SYT1: variants seen among roughly 807,000 people sequenced by gnomAD.
SYT1 encodes the protein synaptotagmin-1.
SYT1 carries 8 observed loss-of-function variants against 44.8 expected under a neutral mutation model. The ratio of observed to expected loss-of-function variants is 0.18; its 90% CI spans 0.10 to 0.32. The LOEUF (loss-of-function observed/expected upper bound fraction) is 0.32, where lower values mean the gene tolerates loss of function less well. Ranked by LOEUF, SYT1 falls within the 10% of genes least tolerant of loss-of-function variation. The pLI is 1.00. For synonymous variants in SYT1, 154 were observed against 188.8 expected (o/e 0.82, Z 1.51); for missense variants, 286 against 509.3 (o/e 0.56, Z 4.22).
At chr12:79,182,453 A>T (rs1033308683) in intron 3 of SYT1, among the ~76,000 whole-genome samples, 1 of 152,068 alleles carries the variant, frequency 6.6e-6, no homozygotes, top group Admixed American at 6.6e-5. Flanking sequence ...GACCAGATGA[A>T]CAACAAGTTG....
chr12:79,428,199 A>G (rs1593059082), intron 9 of SYT1, among the ~76,000 whole-genome samples: 1 of 152,322 alleles, frequency 6.6e-6, no homozygotes, highest in East Asian at 1.9e-4. Flanking sequence ...CCTTTTAAAA[A>G]TTAGAAGAAA....
chr12:79,161,510 C>T (rs922246453), intron 3 of SYT1, among the ~76,000 whole-genome samples: 2 of 152,042 alleles, frequency 1.3e-5, no homozygotes, highest in African/African-American at 4.8e-5. Context: ...TGTATTCCAT[C>T]GTTGTTAAGT....
intron 2 of SYT1, among the ~76,000 whole-genome samples, chr12:79,010,957 C>A (rs1295784282): frequency 1.3e-5 from 2 of 152,156 alleles, no homozygotes; most frequent in Non-Finnish European, 2.9e-5. Context: ...GAAGGAAGGA[C>A]AGAGGTGTCT....
At chr12:78,931,688 T>C (rs1250959646) in intron 1 of SYT1, among the ~76,000 whole-genome samples, 2 of 152,206 alleles carry the variant, frequency 1.3e-5, no homozygotes, top group Non-Finnish European at 2.9e-5. Context: ...GGAGCTCTCC[T>C]ACCAGCTGCT....
intron 8 of SYT1, among the ~76,000 whole-genome samples, chr12:79,312,717 T>G (rs1456245325): frequency 6.6e-6 from 1 of 152,018 alleles, no homozygotes; most frequent in Non-Finnish European, 1.5e-5. Context: ...CAGAGCTGCT[T>G]CTTATTTTGG....
intron 9 of SYT1, among the ~76,000 whole-genome samples, chr12:79,437,005 C>T (rs1275182059): frequency 6.6e-6 from 1 of 152,074 alleles, no homozygotes; most frequent in African/African-American, 2.4e-5. Flanking sequence ...GAAGTGGTGA[C>T]TTTTAAACTA....
chr12:79,106,429 G>T (rs1413847816), intron 3 of SYT1, among the ~76,000 whole-genome samples: 1 of 150,820 alleles, frequency 6.6e-6, no homozygotes, highest in African/African-American at 2.4e-5. Flanking sequence ...CCTAAATAAT[G>T]AATTTAAACA....
chr12:79,381,588 G>A (rs1204345173), intron 9 of SYT1, among the ~76,000 whole-genome samples: 1 of 152,190 alleles, frequency 6.6e-6, no homozygotes, highest in African/African-American at 2.4e-5. Flanking sequence ...TACCTGTAGA[G>A]AAAAATGAGC....
intron 9 of SYT1, among the ~76,000 whole-genome samples, chr12:79,426,624 G>C (rs542571846): frequency 4.6e-5 from 7 of 152,128 alleles, no homozygotes; most frequent in African/African-American, 7.2e-5. Flanking sequence ...ATCTAATATT[G>C]ATAACCTGCA....
chr12:79,257,562 A>G (rs1463387199), intron 4 of SYT1, among the ~76,000 whole-genome samples: 1 of 152,078 alleles, frequency 6.6e-6, no homozygotes, highest in Non-Finnish European at 1.5e-5. Context: ...ATCTCTGCTC[A>G]CTGCAAGCTC....
chr12:78,936,115 C>G (rs746242026), intron 1 of SYT1, among the ~76,000 whole-genome samples: 5 of 151,982 alleles, frequency 3.3e-5, no homozygotes, highest in Non-Finnish European at 7.4e-5. Context: ...GTATTTATGT[C>G]ACTTCTTTTA....
At chr12:79,334,587 A>C (rs1882003075) in intron 8 of SYT1, among the ~76,000 whole-genome samples, 2 of 152,184 alleles carry the variant, frequency 1.3e-5, no homozygotes, top group Non-Finnish European at 2.9e-5. Flanking sequence ...AGGCACAAGA[A>C]CATGGTGCAA....
intron 1 of SYT1, among the ~76,000 whole-genome samples, chr12:78,942,544 C>T (rs1012208060): frequency 6.6e-6 from 1 of 152,152 alleles, no homozygotes; most frequent in African/African-American, 2.4e-5. Context: ...CGTCCATGTC[C>T]TTCTCTGAAC....
rs112560497 is a variant in SYT1, at chr12:79,098,607, A to G, written c.-18+51245A>G. ...GTTATTTTACAGTGTCCAGTTATTC[A>G]CTAAGAAAAAAACATTTAATGTTCT... On this transcript the variant is annotated intron_variant, in intron 3 of 10. Transcript: ENST00000261205. Among the ~76,000 whole-genome samples the G allele has an allele frequency of 8.1e-3, 1,231 of 152,244 alleles. 18 individuals are homozygous for G. Among genetic ancestry groups the G allele is most frequent in the African/African-American group, 0.028 (1,176 of 41,564 alleles).
At chr12:79,160,604 T>G (rs1404468055) in intron 3 of SYT1, among the ~76,000 whole-genome samples, 1 of 152,100 alleles carries the variant, frequency 6.6e-6, no homozygotes, top group East Asian at 1.9e-4. Flanking sequence ...TTAAGAAATA[T>G]AGCAGTTTAG....
chr12:79,437,330 A>C (rs773941153), intron 9 of SYT1, among the ~76,000 whole-genome samples: 30 of 152,184 alleles, frequency 2.0e-4, no homozygotes, highest in Admixed American at 1.3e-4. Context: ...ATCTTGAGAC[A>C]TGGCAGTGGG....
chr12:78,875,556 G>C (rs1237037642), intron 1 of SYT1, among the ~76,000 whole-genome samples: 1 of 151,458 alleles, frequency 6.6e-6, no homozygotes, highest in Non-Finnish European at 1.5e-5. Flanking sequence ...GGAACAGTTT[G>C]GTCTATTTAG....
chr12:78,887,187 G>A (rs533939782), intron 1 of SYT1, among the ~76,000 whole-genome samples: 4 of 151,952 alleles, frequency 2.6e-5, no homozygotes, highest in South Asian at 2.1e-4. Flanking sequence ...GAAATCTCAC[G>A]CCATCCTACT....
At chr12:79,178,328 A>ATT (rs111229840) in intron 3 of SYT1, among the ~76,000 whole-genome samples, 4 of 151,628 alleles carry the variant, frequency 2.6e-5, no homozygotes, top group African/African-American at 9.7e-5. Context: ...TTTTATTTCA[A>ATT]TTTTTTTGTA....
Sources: allele counts gnomAD v4.1 joint callset (sites outside exome capture counted in the v4.1 genomes callset), GRCh38; gene constraint gnomAD v4.1.1; transcripts MANE v1.5; gene names NCBI Gene and HGNC (gene_info 2026-07-23, HGNC 2026-07-21).